Variants in IL18BP observed in about 807,000 individuals in gnomAD.
The protein encoded by IL18BP is interleukin-18-binding protein.
IL18BP carries 23 observed loss-of-function variants against 19.9 expected under a neutral mutation model. The ratio of observed to expected loss-of-function variants is 1.15; its 90% CI spans 0.83 to 1.64. IL18BP has a LOEUF of 1.64. IL18BP is among the 40% of genes most tolerant of loss of function. The pLI is 0.00. For synonymous variants in IL18BP, 107 were observed against 101.0 expected (o/e 1.06, Z -0.35); for missense variants, 239 against 240.7 (o/e 0.99, Z 0.05).
At chr11:72,000,843 G>A (rs546988691) in intron 3 of IL18BP, among the ~76,000 whole-genome samples, 3 of 152,208 alleles carry the variant, frequency 2.0e-5, no homozygotes, top group Non-Finnish European at 2.9e-5. Context: ...TCCACCCAGA[G>A]CCTGCTGGCC....
At position 72,002,760 on chromosome 11, in the gene IL18BP, G is replaced by C. The variant is rs1158723446; in HGVS notation, c.*899G>C. On this transcript the variant is annotated 3_prime_UTR_variant, in exon 6 of 6. Transcript: ENST00000393703. ...CTGGAAAGATGTGGCCTCAGGAAAA[G>C]GGATGAGAGAAAGGAGGTGGTATGG... 3.3e-5 allele frequency: 6 copies of C among 182,350 alleles called. No homozygotes were observed. The highest frequency in any genetic ancestry group is 7.0e-5 in the Non-Finnish European group (6 of 85,438). 11.3% of individuals were successfully genotyped at this position (182,350 alleles called of 1,614,324 possible).
In IL18BP at chr11:72,001,444, C is replaced by T; in HGVS notation, c.399C>T (p.Ala133=). 6.2e-7 allele frequency: 1 copy of T among 1,614,208 alleles called. No individual in the cohort carries two copies. The highest frequency in any genetic ancestry group is 8.5e-7 in the Non-Finnish European group (1 of 1,180,038). The change falls in exon 5 of 6, where the codon GCC becomes GCT. Residue 133 remains alanine, a synonymous_variant. Transcript: ENST00000393703. ...RGSTGTQLCK[A]LVLEQLTPAL... is the part of the protein sequence containing the mutation. ...GCACAGGTACGCAGCTGTGCAAGGCCTTGGTGCTGGAGCAGCTGACCCCTG... is the reference window on the plus strand; with the variant it reads ...GCACAGGTACGCAGCTGTGCAAGGCTTTGGTGCTGGAGCAGCTGACCCCTG...
At chr11:72,000,100 C>A (rs1275347190) in intron 2 of IL18BP, 88 bp downstream of exon 2, 10 of 1,397,178 alleles carry the variant, frequency 7.2e-6, no homozygotes, top group South Asian at 1.2e-5. Flanking sequence ...AGCCTTCACT[C>A]CAAGGCAAAC....
chr11:72,005,201 G>A (rs1350785065), downstream of IL18BP: 1 of 1,541,120 alleles, frequency 6.5e-7, no homozygotes, highest in East Asian at 2.5e-5. Flanking sequence ...GGGCAGGGAT[G>A]GGAGGCCCTG....
At chr11:72,004,045 C>T, downstream of IL18BP, 1 of 1,613,666 alleles carries the variant, frequency 6.2e-7, no homozygotes, top group Non-Finnish European at 8.5e-7. Context: ...AGGCTGTTCC[C>T]TAGCTTCTTG....
downstream of IL18BP, chr11:72,004,867 G>A (rs767302441): frequency 1.3e-6 from 2 of 1,493,810 alleles, no homozygotes; most frequent in Middle Eastern, 2.0e-4. Context: ...TGGAGATGGA[G>A]GAGGACCTGG....
In IL18BP at chr11:72,000,550, G is replaced by A. The variant is rs771136772; in HGVS notation, c.228G>A (p.Val76=). Reference sequence around the variant, plus strand: ...AAGTGACCTGGCCAGAGGTGGAAGTGCCACTGAGTAAGAAGCACAGTGGTG... The same window carrying A: ...AAGTGACCTGGCCAGAGGTGGAAGTACCACTGAGTAAGAAGCACAGTGGTG... ...ALEVTWPEVE[V]PLNGTLSLSC... is the part of the protein sequence containing the mutation. Residue 76 remains valine (V), a synonymous_variant, in exon 3 of 6, where the codon GTG becomes GTA. Transcript: ENST00000393703. The A allele has an allele frequency of 6.2e-7, 1 of 1,610,098 alleles. No homozygotes were observed.
chr11:72,005,636 G>A (rs1955633726), downstream of IL18BP: 2 of 518,248 alleles, frequency 3.9e-6, no homozygotes, highest in African/African-American at 3.9e-5. Flanking sequence ...AGGCTTGGTG[G>A]CCAACACCCA....
At chr11:72,006,399 G>T (rs957942597), downstream of IL18BP, 3 of 685,290 alleles carry the variant, frequency 4.4e-6, no homozygotes, top group Admixed American at 2.9e-5. Flanking sequence ...CTTAAAGTGT[G>T]TGTCTGCAAG....
chr11:71,999,110 G>T, intron 1 of IL18BP, 91 bp downstream of exon 1: 1 of 513,134 alleles, frequency 1.9e-6, no homozygotes. Flanking sequence ...GTGGGTGCTG[G>T]GAGATGTAGC....
Position 72,001,199 on chromosome 11 carries a change from A to G in IL18BP, c.236-2A>G. On this transcript the variant is annotated splice_acceptor_variant, in intron 3 of 5. Coordinates refer to ENST00000393703, the MANE Select transcript of IL18BP (RefSeq NM_001039660.2). LOFTEE classifies it high-confidence loss of function. Reference sequence around the variant, plus strand: ...AGAGCTAACTGCTGCCTGTGTCCCTAGATGGAACGCTGAGCTTATCCTGTG... The same window carrying G: ...AGAGCTAACTGCTGCCTGTGTCCCTGGATGGAACGCTGAGCTTATCCTGTG... The G allele has an allele frequency of 6.2e-7, 1 of 1,614,124 alleles. No individual in the cohort carries two copies. The highest frequency in any genetic ancestry group is 8.5e-7 in the Non-Finnish European group (1 of 1,179,982).
intron 3 of IL18BP, 66 bp downstream of exon 3, chr11:72,000,623 G>A: frequency 7.4e-7 from 1 of 1,359,486 alleles, no homozygotes; most frequent in Admixed American, 1.8e-5. Flanking sequence ...GTTGACTCCT[G>A]AGCGCCAGTC....
chr11:71,999,123 A>G (rs746701217), intron 1 of IL18BP, 104 bp downstream of exon 1: 1 of 515,306 alleles, frequency 1.9e-6, no homozygotes, highest in South Asian at 1.4e-5. Context: ...GATGTAGCCG[A>G]CCTTGGGGCT....
downstream of IL18BP, chr11:72,007,712 G>T (rs148713754): frequency 4.1e-6 from 2 of 491,046 alleles, no homozygotes; most frequent in Admixed American, 3.7e-5. Flanking sequence ...CAGCAAACAC[G>T]TCCCAATCTA....
At chr11:72,005,801 A>C, downstream of IL18BP, 1 of 559,500 alleles carries the variant, frequency 1.8e-6, no homozygotes, top group Non-Finnish European at 3.2e-6. Flanking sequence ...AAGTGTCACA[A>C]TTGTGCTGGG....
intron 1 of IL18BP, 75 bp from the exon 2 acceptor site, chr11:71,999,852 C>T: frequency 1.3e-6 from 1 of 799,220 alleles, no homozygotes; most frequent in South Asian, 1.7e-5. Context: ...GAGGAGAAGC[C>T]AGCTACTGAG....
chr11:72,003,635 TG>T (rs1955422323), downstream of IL18BP: 2 of 1,499,722 alleles, frequency 1.3e-6, no homozygotes, highest in Non-Finnish European at 1.9e-6. Flanking sequence ...CGCCCCTGTC[TG>T]GATCCCCTCC....
In IL18BP at chr11:72,001,943, C is replaced by CT. The variant is rs1162349122; in HGVS notation, c.*83dup. ...TCTACCTGGAGTGAACAGTCCCTGA[C>CT]TGCCTGTAGGCTGCGTGGATGCGCA... On this transcript the variant is annotated 3_prime_UTR_variant, in exon 6 of 6. Transcript: ENST00000393703. 5 of 1,590,818 alleles carry CT rather than the reference C, an allele frequency of 3.1e-6. No individual in the cohort carries two copies. Among genetic ancestry groups the CT allele is most frequent in the Non-Finnish European group, 4.3e-6 (5 of 1,167,914 alleles).
At chr11:72,003,207 G>GC (rs1488656354), downstream of IL18BP, 4 of 438,080 alleles carry the variant, frequency 9.1e-6, no homozygotes, top group Admixed American at 1.1e-4. Flanking sequence ...AGGAAGACTG[G>GC]CCAGGCCCAA....
Sources: gnomAD v4.1 joint callset for allele counts (sites outside exome capture counted in the v4.1 genomes callset) on GRCh38, gnomAD v4.1.1 for gene constraint, MANE v1.5 for transcripts, NCBI Gene and HGNC (gene_info 2026-07-23, HGNC 2026-07-21) for gene names.